CSMD1: variants seen among roughly 807,000 people sequenced by gnomAD.
The protein encoded by CSMD1 is CUB and sushi domain-containing protein 1.
A neutral mutation model predicts 417.5 loss-of-function variants in CSMD1; 213 were observed. That is an observed-to-expected ratio of 0.51 (90% CI 0.46 to 0.57). The LOEUF (loss-of-function observed/expected upper bound fraction) is 0.57, where lower values mean the gene tolerates loss of function less well. Among genes scored for constraint, CSMD1 ranks in the 20% least tolerant of loss-of-function variants. The pLI is 0.00. For synonymous variants in CSMD1, 2,862 were observed against 1,736.8 expected, an observed-to-expected ratio of 1.65 and a Z score of -16.11; for missense variants, 6,923 against 4,529.7, an observed-to-expected ratio of 1.53 and a Z score of -15.17.
At chr8:3,329,727 C>G (rs893943878) in intron 23 of CSMD1, among the ~76,000 whole-genome samples, 4 of 152,112 alleles carry the variant, frequency 2.6e-5, no homozygotes, top group Admixed American at 2.0e-4. Flanking sequence ...CCAGTGCTAA[C>G]TGAAGAGTGT....
At chr8:4,168,024 G>A (rs1003182233) in intron 3 of CSMD1, among the ~76,000 whole-genome samples, 1 of 151,988 alleles carries the variant, frequency 6.6e-6, no homozygotes, top group Non-Finnish European at 1.5e-5. Flanking sequence ...AGCTAATCAG[G>A]AAGCTGAGGC....
chr8:3,992,694 T>C (rs1474458070), intron 5 of CSMD1, among the ~76,000 whole-genome samples: 2 of 152,162 alleles, frequency 1.3e-5, no homozygotes, highest in African/African-American at 2.4e-5. Context: ...GGTGGAAGGA[T>C]GGCTTCAGTC....
At chr8:4,517,074 C>A (rs971279916) in intron 2 of CSMD1, among the ~76,000 whole-genome samples, 10 of 152,054 alleles carry the variant, frequency 6.6e-5, no homozygotes, top group African/African-American at 2.4e-4. Context: ...ACTGTGAATG[C>A]AGAAATTTAA....
chr8:4,202,894 C>A (rs773874475), intron 3 of CSMD1, among the ~76,000 whole-genome samples: 5 of 152,120 alleles, frequency 3.3e-5, no homozygotes, highest in Non-Finnish European at 7.4e-5. Context: ...GGAGAAGGGG[C>A]ATGGACTGTG....
At chr8:3,733,267 C>T (rs866703274) in intron 6 of CSMD1, among the ~76,000 whole-genome samples, 2 of 87,104 alleles carry the variant, frequency 2.3e-5, no homozygotes, top group Admixed American at 2.7e-4. Context: ...TACACATACA[C>T]ATATTTATAT....
At chr8:3,621,823 G>T (rs1437566169) in intron 7 of CSMD1, among the ~76,000 whole-genome samples, 4 of 151,656 alleles carry the variant, frequency 2.6e-5, no homozygotes, top group Non-Finnish European at 5.9e-5. Flanking sequence ...TGCCCAGGCT[G>T]GTCTCAAACT....
chr8:4,068,381 G>C lies in CSMD1; in HGVS notation c.416-36282C>G, dbSNP rs1048738965. On this transcript the variant is annotated intron_variant, in intron 3 of 69. Coordinates refer to ENST00000635120, the MANE Select transcript of CSMD1 (RefSeq NM_033225.6). Reference sequence around the variant, plus strand: ...GGGATCTTATTTGTCAGCCATGGGAGTGTGACTTTTATTTCACACTGGGGA... The same window carrying C: ...GGGATCTTATTTGTCAGCCATGGGACTGTGACTTTTATTTCACACTGGGGA... Among the ~76,000 whole-genome samples, 9 of 152,284 alleles carry C rather than the reference G, an allele frequency of 5.9e-5. No individual in the cohort carries two copies. The East Asian group carries it at 9.7e-4, about 16-fold the overall frequency.
At chr8:3,631,404 G>A (rs1329085872) in intron 7 of CSMD1, among the ~76,000 whole-genome samples, 1 of 152,202 alleles carries the variant, frequency 6.6e-6, no homozygotes, top group African/African-American at 2.4e-5. Context: ...TAGCAAAGAA[G>A]CCAGCCCGTG....
At chr8:4,643,219 A>G (rs568474532) in intron 1 of CSMD1, among the ~76,000 whole-genome samples, 25 of 152,344 alleles carry the variant, frequency 1.6e-4, no homozygotes, top group African/African-American at 5.8e-4. Flanking sequence ...TTCTAAAACA[A>G]CATCATTGGT....
chr8:4,593,829 G>A (rs56121324), intron 2 of CSMD1, among the ~76,000 whole-genome samples: 11,781 of 152,218 alleles, frequency 0.077, 613 homozygotes, highest in South Asian at 0.13. Context: ...CTAGAGAATG[G>A]AGCAGTTTGC....
chr8:4,767,216 T>C (rs967102773), intron 1 of CSMD1, among the ~76,000 whole-genome samples: 1 of 152,208 alleles, frequency 6.6e-6, no homozygotes, highest in Non-Finnish European at 1.5e-5. Context: ...AATTTGCAGA[T>C]GTACACTGTC....
chr8:4,535,572 T>G (rs1275986655), intron 2 of CSMD1, among the ~76,000 whole-genome samples: 1 of 152,150 alleles, frequency 6.6e-6, no homozygotes, highest in Non-Finnish European at 1.5e-5. Context: ...ACTCGTAGGT[T>G]AACCCTAAGT....
intron 6 of CSMD1, among the ~76,000 whole-genome samples, chr8:3,720,018 A>C (rs113533402): frequency 1.3e-5 from 2 of 152,240 alleles, no homozygotes; most frequent in Non-Finnish European, 2.9e-5. Context: ...AGAAGCACCT[A>C]GTGCAATGTC....
intron 5 of CSMD1, among the ~76,000 whole-genome samples, chr8:3,920,065 C>T (rs1271671613): frequency 6.6e-6 from 1 of 151,912 alleles, no homozygotes; most frequent in Non-Finnish European, 1.5e-5. Context: ...CAAGATCTCA[C>T]TCCTTCTGCC....
At chr8:4,641,760 A>G (rs890376792) in intron 1 of CSMD1, among the ~76,000 whole-genome samples, 3 of 152,204 alleles carry the variant, frequency 2.0e-5, no homozygotes, top group African/African-American at 4.8e-5. Flanking sequence ...CACAAAATAA[A>G]ATGGTGAGTA....
chr8:4,394,536 C>G (rs150596463), intron 3 of CSMD1, among the ~76,000 whole-genome samples: 1 of 152,326 alleles, frequency 6.6e-6, no homozygotes, highest in East Asian at 1.9e-4. Flanking sequence ...TCAGCCTAAA[C>G]TCATTGCTTT....
At chr8:4,158,917 A>AGAAAG (rs1396340489) in intron 3 of CSMD1, among the ~76,000 whole-genome samples, 1 of 152,176 alleles carries the variant, frequency 6.6e-6, no homozygotes, top group Admixed American at 6.5e-5. Flanking sequence ...ATCTTTCTAT[A>AGAAAG]ATTATTATTT....
chr8:3,264,133 C>G (rs1397619975), intron 26 of CSMD1, among the ~76,000 whole-genome samples: 3 of 152,056 alleles, frequency 2.0e-5, no homozygotes, highest in Non-Finnish European at 4.4e-5. Context: ...TAAACTGATT[C>G]CCAGCTTTCT....
Position 3,731,246 on chromosome 8 carries a change from G to A in CSMD1, c.931+22684C>T, listed in dbSNP as rs1204111288. Reference sequence around the variant, plus strand: ...TGTCCTCCTTCCCCCAGCAAACAATGACGTGCATTCTACATTGACCAGCAT... The same window carrying A: ...TGTCCTCCTTCCCCCAGCAAACAATAACGTGCATTCTACATTGACCAGCAT... On this transcript the variant is annotated intron_variant, in intron 6 of 69. Coordinates refer to ENST00000635120, the MANE Select transcript of CSMD1 (RefSeq NM_033225.6). Among the ~76,000 whole-genome samples, 4 of 152,172 alleles carry A rather than the reference G, an allele frequency of 2.6e-5. No individual in the cohort carries two copies. The East Asian group carries it at 7.7e-4, about 29-fold the overall frequency.
Sources: gnomAD v4.1 joint callset for allele counts (sites outside exome capture counted in the v4.1 genomes callset) on GRCh38, gnomAD v4.1.1 for gene constraint, MANE v1.5 for transcripts, NCBI Gene and HGNC (gene_info 2026-07-23, HGNC 2026-07-21) for gene names.